DST: variants seen among roughly 807,000 people sequenced by gnomAD.
The protein encoded by DST is bullous pemphigoid antigen.
Under a neutral mutation model 875.2 loss-of-function variants are expected in DST, and 253 were observed. That is an observed-to-expected ratio of 0.29 (90% CI 0.26 to 0.32). The LOEUF (loss-of-function observed/expected upper bound fraction) is 0.32, where lower values mean the gene tolerates loss of function less well. Among genes scored for constraint, DST ranks in the 10% least tolerant of loss-of-function variants. DST has a pLI of 1.00. For synonymous variants in DST, 3,124 were observed against 3,197.1 expected (o/e 0.98, Z 0.77); for missense variants, 8,287 against 9,111.6 (o/e 0.91, Z 3.68).
chr6:56,621,228 T>A (rs1166323745), intron 36 of DST, among the ~76,000 whole-genome samples: 1 of 152,182 alleles, frequency 6.6e-6, no homozygotes, highest in Non-Finnish European at 1.5e-5. Context: ...GATACTTATA[T>A]TCCCATGTCT....
chr6:56,618,219 A>T, intron 36 of DST: 2 of 1,614,126 alleles, frequency 1.2e-6, no homozygotes, highest in Non-Finnish European at 1.7e-6. Flanking sequence ...GGTGGCTGGA[A>T]TTGGACTTCT....
At chr6:56,659,244 C>G (rs2099026191) in intron 10 of DST, among the ~76,000 whole-genome samples, 1 of 151,974 alleles carries the variant, frequency 6.6e-6, no homozygotes, top group Non-Finnish European at 1.5e-5. Flanking sequence ...TCTACAGAAC[C>G]CAGTTATATG....
intron 9 of DST, among the ~76,000 whole-genome samples, chr6:56,672,997 G>A (rs946921430): frequency 4.6e-5 from 7 of 152,158 alleles, no homozygotes; most frequent in African/African-American, 1.7e-4. Flanking sequence ...GCTCACGCTT[G>A]TAATCCCAGC....
At chr6:56,950,471 A>T (rs995144717) in intron 2 of DST, among the ~76,000 whole-genome samples, 5 of 152,170 alleles carry the variant, frequency 3.3e-5, no homozygotes, top group African/African-American at 9.7e-5. Context: ...TCACAGCCTG[A>T]CTTTCACCAC....
At chr6:56,911,210 G>C (rs1204839221) in intron 2 of DST, among the ~76,000 whole-genome samples, 2 of 152,176 alleles carry the variant, frequency 1.3e-5, no homozygotes, top group African/African-American at 4.8e-5. Flanking sequence ...AAGGAGGAAG[G>C]GAGGGAATTA....
chr6:56,689,528 T>C (rs1340271648), intron 9 of DST, among the ~76,000 whole-genome samples: 1 of 152,124 alleles, frequency 6.6e-6, no homozygotes, highest in Non-Finnish European at 1.5e-5. Flanking sequence ...GATATTCTGA[T>C]TAAATTAAAT....
In DST at chr6:56,601,626, G is replaced by T; in HGVS notation, c.11358C>A (p.Ala3786=). ...CAGAAATGAAGAACTGCACATCAAA[G>T]GCAGTAGTCTCCAGCTGCATTTTGG... is the stretch of plus-strand genomic sequence containing the variant. ...GHTKMQLETT[A]FDVQFFISEY... The change falls in exon 44 of 104, where the codon GCC becomes GCA. Residue 3786 remains alanine (A), a synonymous_variant. Coordinates refer to ENST00000680361, the MANE Select transcript of DST (RefSeq NM_001374736.1). The T allele has an allele frequency of 6.3e-7, 1 of 1,596,510 alleles. No individual in the cohort carries two copies. Among genetic ancestry groups the T allele is most frequent in the Non-Finnish European group, 8.5e-7 (1 of 1,170,910 alleles).
chr6:56,574,666 G>A (rs898998285), intron 50 of DST, among the ~76,000 whole-genome samples: 8 of 150,454 alleles, frequency 5.3e-5, no homozygotes, highest in South Asian at 4.2e-4. Context: ...ACCCTTTCTC[G>A]TCCAGTTTTC....
chr6:56,591,794 G>A (rs369498731), intron 49 of DST, among the ~76,000 whole-genome samples: 179 of 151,980 alleles, frequency 1.2e-3, no homozygotes, highest in African/African-American at 2.7e-3. Context: ...CCAACATGGC[G>A]AAACCCCGTC....
At chr6:56,793,481 G>C (rs1412787763) in intron 4 of DST, among the ~76,000 whole-genome samples, 2 of 152,134 alleles carry the variant, frequency 1.3e-5, no homozygotes, top group Non-Finnish European at 2.9e-5. Flanking sequence ...TAGACTTTAA[G>C]TTTTTCAAAA....
intron 49 of DST, among the ~76,000 whole-genome samples, chr6:56,585,027 T>C (rs2098117471): frequency 6.6e-6 from 1 of 152,022 alleles, no homozygotes; most frequent in Admixed American, 6.6e-5. Context: ...TGCATCAATG[T>C]TCATCAAGGA....
At chr6:56,561,796 A>C (rs978368357) in intron 56 of DST, among the ~76,000 whole-genome samples, 3 of 152,200 alleles carry the variant, frequency 2.0e-5, no homozygotes, top group Admixed American at 2.0e-4. Flanking sequence ...TGTAACAAAA[A>C]ACAAACCACA....
intron 3 of DST, among the ~76,000 whole-genome samples, chr6:56,877,646 G>A (rs1780145413): frequency 6.6e-6 from 1 of 152,194 alleles, no homozygotes; most frequent in African/African-American, 2.4e-5. Context: ...TGGAATTAAT[G>A]AAAATCTATT....
At chr6:56,831,717 A>T (rs746545802) in intron 4 of DST, among the ~76,000 whole-genome samples, 15 of 151,898 alleles carry the variant, frequency 9.9e-5, no homozygotes, top group Non-Finnish European at 1.6e-4. Context: ...GAATTAAACC[A>T]CATGTTCCAA....
rs976558622 is a variant in DST at position 56,692,286 on chromosome 6, A to G, written c.1047+7367T>C. On this transcript the variant is annotated intron_variant, in intron 9 of 103. Coordinates refer to ENST00000680361, the MANE Select transcript of DST (RefSeq NM_001374736.1). ...CAGAAACTCTATGGCTTTTACATAC[A>G]CTAATATGAAAATAACTTTATAAAA... 1.1e-5 allele frequency: 6 copies of G among 561,498 alleles called. No individual in the cohort carries two copies. In the East Asian group the frequency reaches 2.8e-4, roughly 26 times the overall value. 34.8% of individuals were successfully genotyped at this position (561,498 alleles called of 1,614,324 possible).
At chr6:56,819,567 T>C (rs1041590887) in intron 4 of DST, among the ~76,000 whole-genome samples, 25 of 152,204 alleles carry the variant, frequency 1.6e-4, no homozygotes, top group African/African-American at 5.8e-4. Context: ...AATAACAAAA[T>C]GTCTCTAACT....
At chr6:56,692,908 T>C (rs998066140) in intron 9 of DST, 285 of 1,289,702 alleles carry the variant, frequency 2.2e-4, no homozygotes, top group Non-Finnish European at 2.7e-4. Context: ...AGATTCCTGC[T>C]GTACCAGTCC....
chr6:56,846,294 T>C (rs2099807059), intron 4 of DST, among the ~76,000 whole-genome samples: 1 of 152,226 alleles, frequency 6.6e-6, no homozygotes, highest in African/African-American at 2.4e-5. Flanking sequence ...GAGGCTAAGA[T>C]AAGTTTGGTA....
At chr6:56,693,168 C>T in intron 9 of DST, 1 of 1,266,784 alleles carries the variant, frequency 7.9e-7, no homozygotes, top group Non-Finnish European at 1.0e-6. Flanking sequence ...TAGGAGATCA[C>T]AGCTCCATAG....
Sources: gnomAD v4.1 joint callset for allele counts (sites outside exome capture counted in the v4.1 genomes callset) on GRCh38, gnomAD v4.1.1 for gene constraint, MANE v1.5 for transcripts, NCBI Gene and HGNC (gene_info 2026-07-23, HGNC 2026-07-21) for gene names.